FNBP1L: variants seen among roughly 807,000 people sequenced by gnomAD.
The protein encoded by FNBP1L is formin-binding protein 1-like.
A neutral mutation model predicts 91.2 loss-of-function variants in FNBP1L; 36 were observed. That is an observed-to-expected ratio of 0.39 (90% confidence interval 0.30 to 0.52). The LOEUF is 0.52. Among genes scored for constraint, FNBP1L ranks in the 20% least tolerant of loss-of-function variants. The pLI is 0.66. For synonymous variants in FNBP1L, 242 were observed against 237.0 expected, an observed-to-expected ratio of 1.02 and a Z score of -0.19; for missense variants, 571 against 732.1, an observed-to-expected ratio of 0.78 and a Z score of 2.54.
chr1:93,514,322 C>G (rs1041151747), intron 2 of FNBP1L, among the ~76,000 whole-genome samples: 1 of 151,650 alleles, frequency 6.6e-6, no homozygotes, highest in Non-Finnish European at 1.5e-5. Context: ...GAATCAATAT[C>G]GTGAAAATGG....
chr1:93,499,737 C>T (rs1190805401), intron 2 of FNBP1L, among the ~76,000 whole-genome samples, 154 bp downstream of exon 2: 3 of 152,156 alleles, frequency 2.0e-5, no homozygotes, highest in East Asian at 1.9e-4. Context: ...TTAATTAAGT[C>T]ATTGGCTAGT....
chr1:93,488,151 CTT>C (rs1005952282), intron 1 of FNBP1L, among the ~76,000 whole-genome samples: 1 of 152,110 alleles, frequency 6.6e-6, no homozygotes, highest in African/African-American at 2.4e-5. Flanking sequence ...TATCCAAAAT[CTT>C]AACCACTTTT....
intron 1 of FNBP1L, among the ~76,000 whole-genome samples, chr1:93,455,406 C>CTCAA (rs948830919): frequency 6.6e-6 from 1 of 152,184 alleles, no homozygotes; most frequent in African/African-American, 2.4e-5. Flanking sequence ...TCAGTCTGGT[C>CTCAA]GTGAACTCCT....
At chr1:93,516,489 G>C (rs894918623) in intron 2 of FNBP1L, among the ~76,000 whole-genome samples, 3 of 152,068 alleles carry the variant, frequency 2.0e-5, no homozygotes, top group Non-Finnish European at 4.4e-5. Context: ...CTTGTCCCTT[G>C]ACCACTAATA....
chr1:93,513,794 C>G (rs1299639314), intron 2 of FNBP1L, among the ~76,000 whole-genome samples: 2 of 152,174 alleles, frequency 1.3e-5, no homozygotes, highest in Non-Finnish European at 2.9e-5. Flanking sequence ...CTATCTACAA[C>G]AAACCCACAG....
chr1:93,450,160 A>T (rs1276330985), intron 1 of FNBP1L, among the ~76,000 whole-genome samples: 1 of 152,182 alleles, frequency 6.6e-6, no homozygotes, highest in Non-Finnish European at 1.5e-5. Context: ...ATAAAATGTG[A>T]TTTTAAAAGT....
At chr1:93,491,297 A>G (rs1307463665) in intron 1 of FNBP1L, among the ~76,000 whole-genome samples, 2 of 151,978 alleles carry the variant, frequency 1.3e-5, no homozygotes, top group Non-Finnish European at 2.9e-5. Flanking sequence ...GGTGATTAAA[A>G]CCATTCCTTG....
At chr1:93,468,699 A>G (rs1014369129) in intron 1 of FNBP1L, among the ~76,000 whole-genome samples, 1 of 152,148 alleles carries the variant, frequency 6.6e-6, no homozygotes, top group Non-Finnish European at 1.5e-5. Flanking sequence ...TCAAAGTGCT[A>G]GGATTACAGG....
chr1:93,468,989 C>T (rs1011497255), intron 1 of FNBP1L, among the ~76,000 whole-genome samples: 7 of 152,070 alleles, frequency 4.6e-5, no homozygotes, highest in Middle Eastern at 3.2e-3. Flanking sequence ...TTTTGATTTA[C>T]ATTTACTTGA....
At position 93,452,261 on chromosome 1, in the gene FNBP1L, T is replaced by A. The variant is rs570648641; in HGVS notation, c.24+3956T>A. Among the ~76,000 whole-genome samples, 5 of 152,358 alleles carry A rather than the reference T, an allele frequency of 3.3e-5. No individual in the cohort carries two copies. The South Asian group carries it at 1.0e-3, about 32-fold the overall frequency. On this transcript the variant is annotated intron_variant, in intron 1 of 16. Transcript: ENST00000271234. The stretch of plus-strand genomic sequence containing the variant: ...ATAGTTGATTGCATTACCCAGAGTA[T>A]TGATTACTAATTAGCAAGTGTATCT...
At chr1:93,452,283 A>G (rs1668523289) in intron 1 of FNBP1L, among the ~76,000 whole-genome samples, 1 of 152,216 alleles carries the variant, frequency 6.6e-6, no homozygotes, top group Non-Finnish European at 1.5e-5. Flanking sequence ...TAGCAAGTGT[A>G]TCTTTAGGGT....
At chr1:93,485,938 T>C (rs1669880799) in intron 1 of FNBP1L, among the ~76,000 whole-genome samples, 1 of 152,208 alleles carries the variant, frequency 6.6e-6, no homozygotes, top group African/African-American at 2.4e-5. Flanking sequence ...GACCTTGTGA[T>C]CTGCCTGCCT....
chr1:93,544,243 C>T (rs755708426), intron 12 of FNBP1L, 27 bp downstream of exon 12: 11 of 1,525,972 alleles, frequency 7.2e-6, no homozygotes, highest in East Asian at 6.9e-5. Context: ...TTTTCTCTAT[C>T]ATTATTATTT....
At chr1:93,488,918 A>G (rs1279976357) in intron 1 of FNBP1L, among the ~76,000 whole-genome samples, 2 of 152,208 alleles carry the variant, frequency 1.3e-5, no homozygotes, top group African/African-American at 4.8e-5. Flanking sequence ...TTAGTGAAGT[A>G]GGAGGCAAGG....
intron 1 of FNBP1L, among the ~76,000 whole-genome samples, chr1:93,459,842 C>T (rs1343564346): frequency 6.6e-6 from 1 of 151,926 alleles, no homozygotes; most frequent in Non-Finnish European, 1.5e-5. Context: ...GTGTCCCCTC[C>T]AAAATACAAG....
chr1:93,514,270 A>G (rs2101741246), intron 2 of FNBP1L, among the ~76,000 whole-genome samples: 1 of 152,218 alleles, frequency 6.6e-6, no homozygotes, highest in East Asian at 1.9e-4. Context: ...ATAAAAGAGG[A>G]TACAAACAAA....
chr1:93,478,211 T>C (rs1041056268), intron 1 of FNBP1L, among the ~76,000 whole-genome samples: 2 of 152,180 alleles, frequency 1.3e-5, no homozygotes, highest in Admixed American at 1.3e-4. Context: ...TTGATGTCTT[T>C]GGTGTTGGAA....
intron 1 of FNBP1L, among the ~76,000 whole-genome samples, chr1:93,457,777 C>G (rs1359217325): frequency 6.9e-6 from 1 of 144,714 alleles, no homozygotes; most frequent in East Asian, 1.9e-4. Flanking sequence ...TTTTTTATTT[C>G]ATTTATTATT....
At chr1:93,475,193 CCTAA>C (rs1299401493) in intron 1 of FNBP1L, among the ~76,000 whole-genome samples, 1 of 151,868 alleles carries the variant, frequency 6.6e-6, no homozygotes, top group African/African-American at 2.4e-5. Flanking sequence ...AAAATATACT[CCTAA>C]CTTTTAGAAA....
Sources: allele counts gnomAD v4.1 joint callset (sites outside exome capture counted in the v4.1 genomes callset), GRCh38; gene constraint gnomAD v4.1.1; transcripts MANE v1.5; gene names NCBI Gene and HGNC (gene_info 2026-07-23, HGNC 2026-07-21).